RD3: variants seen among roughly 807,000 people sequenced by gnomAD.
RD3 encodes the protein RD3 regulator of GUCY2D.
RD3 carries 11 observed loss-of-function variants against 16.9 expected under a neutral mutation model. That is an observed-to-expected ratio of 0.65 (90% CI 0.41 to 1.08). RD3 has a LOEUF of 1.08. RD3 is among the 50% of genes least tolerant of loss of function. RD3 has a pLI of 0.00. For missense variants in RD3, 274 were observed against 267.4 expected, an observed-to-expected ratio of 1.02 and a Z score of -0.17; for synonymous variants, 116 against 114.8, an observed-to-expected ratio of 1.01 and a Z score of -0.07.
intron 1 of RD3, among the ~76,000 whole-genome samples, chr1:211,489,431 A>G (rs987363232): frequency 2.0e-5 from 3 of 152,054 alleles, no homozygotes; most frequent in African/African-American, 7.2e-5. Context: ...AAAATGCTTT[A>G]AAGTTGTTAT....
rs369999080 is a variant in RD3, at chr1:211,487,724, C to T, written c.-12+4044G>A. On this transcript the variant is annotated intron_variant, in intron 1 of 2. Transcript: ENST00000680073. ...CTGCTGCTGTGTCTTTCTTCACCCA[C>T]GAGCCTGGGCATCGAGGCCTTGCAC... is the stretch of plus-strand genomic sequence containing the variant. Among the ~76,000 whole-genome samples the T allele has an allele frequency of 5.3e-5, 8 of 152,212 alleles. 1 individual carries two copies. In the South Asian group the frequency reaches 6.2e-4, roughly 12 times the overall value.
At chr1:211,485,160 A>T (rs1705349186) in intron 1 of RD3, among the ~76,000 whole-genome samples, 1 of 152,126 alleles carries the variant, frequency 6.6e-6, no homozygotes, top group African/African-American at 2.4e-5. Flanking sequence ...TGGCCGCTAG[A>T]GAAGGTGCTT....
intron 2 of RD3, 131 bp downstream of exon 2, chr1:211,480,989 T>C (rs989397922): frequency 1.7e-5 from 16 of 959,792 alleles, no homozygotes; most frequent in Non-Finnish European, 2.1e-5. Context: ...TTTTCCCCTC[T>C]TGCTCCTTCT....
intron 1 of RD3, among the ~76,000 whole-genome samples, chr1:211,485,284 G>A (rs560817748): frequency 1.3e-5 from 2 of 152,274 alleles, no homozygotes; most frequent in Middle Eastern, 3.4e-3. Context: ...GTCTCAACAG[G>A]GGAGGAGGGT....
intron 1 of RD3, among the ~76,000 whole-genome samples, chr1:211,483,453 TC>T (rs1217175660): frequency 7.7e-6 from 1 of 130,384 alleles, no homozygotes; most frequent in Non-Finnish European, 1.6e-5. Flanking sequence ...AGACTCCAAC[TC>T]AAAAAAAAAA....
At chr1:211,487,019 C>T (rs540217100) in intron 1 of RD3, among the ~76,000 whole-genome samples, 1 of 152,258 alleles carries the variant, frequency 6.6e-6, no homozygotes, top group South Asian at 2.1e-4. Context: ...GCTCAGAAAC[C>T]AATATCCTAA....
intron 1 of RD3, among the ~76,000 whole-genome samples, chr1:211,489,144 A>T (rs1486457484): frequency 6.6e-6 from 1 of 152,148 alleles, no homozygotes; most frequent in African/African-American, 2.4e-5. Flanking sequence ...AAATCAAATG[A>T]GATTATGTCT....
At chr1:211,489,573 CT>C (rs11334507) in intron 1 of RD3, among the ~76,000 whole-genome samples, 15,494 of 137,624 alleles carry the variant, frequency 0.11, 1,088 homozygotes, top group African/African-American at 0.22. Context: ...TTTTTTCTTT[CT>C]TTTTTTTTTT....
In RD3 at chr1:211,479,119, T is replaced by G; in HGVS notation, c.505A>C (p.Ile169Leu). Residue 169 changes from isoleucine to leucine, a missense_variant, in exon 3 of 3, where the codon ATC becomes CTC. By Grantham distance (5) the Ile-to-Leu change is conservative (BLOSUM62 2). Coordinates refer to ENST00000680073, the MANE Select transcript of RD3 (RefSeq NM_001164688.2). The stretch of plus-strand genomic sequence containing the variant: ...GTGTCCCGCTCCACGTCCTCGGAGA[T>G]GGTCCTGATGTCGCTGGCGAAGGGC... ...ISPFASDIRTISEDVERDTPP... is the reference protein window; with the variant it reads ...ISPFASDIRTLSEDVERDTPP... The G allele has an allele frequency of 2.5e-6, 4 of 1,612,548 alleles. No homozygotes were observed. Among genetic ancestry groups the G allele is most frequent in the Non-Finnish European group, 3.4e-6 (4 of 1,179,618 alleles).
At position 211,492,025 on chromosome 1, in the gene RD3, G is replaced by T. The variant is rs1465583382; in HGVS notation, c.-269C>A. The T allele has an allele frequency of 6.6e-6, 1 of 152,286 alleles. No homozygotes were observed. The highest frequency in any genetic ancestry group is 1.5e-5 in the Non-Finnish European group (1 of 68,890). The allele number at this position is 152,286 out of a possible 1,614,324, so 9.4% of individuals were successfully genotyped here. ...GAGACAGGAGGAGAGATCCAGCCTG[G>T]ACTATTGTTTGTGGGGTGTGTAGGT... On this transcript the variant is annotated 5_prime_UTR_variant, in exon 1 of 3. Coordinates refer to ENST00000680073, the MANE Select transcript of RD3 (RefSeq NM_001164688.2).
chr1:211,483,188 A>T (rs1235826876), intron 1 of RD3, among the ~76,000 whole-genome samples: 1 of 151,908 alleles, frequency 6.6e-6, no homozygotes, highest in African/African-American at 2.4e-5. Context: ...CAGGCCAGGC[A>T]TGATGGCTCA....
In RD3 at chr1:211,477,664, A is replaced by T. The variant is rs1203938746; in HGVS notation, c.*1372T>A. On this transcript the variant is annotated 3_prime_UTR_variant, in exon 3 of 3. Coordinates refer to ENST00000680073, the MANE Select transcript of RD3 (RefSeq NM_001164688.2). Reference sequence around the variant, plus strand: ...CCAGATTCAAGTGAAAATCCAAAAAAACTTCAAAAGGGAAGTTCAAAACCA... The same window carrying T: ...CCAGATTCAAGTGAAAATCCAAAAATACTTCAAAAGGGAAGTTCAAAACCA... 6.4e-6 allele frequency: 1 copy of T among 155,342 alleles called. No individual in the cohort carries two copies. Among genetic ancestry groups the T allele is most frequent in the Non-Finnish European group, 1.4e-5 (1 of 70,300 alleles). The allele number at this position is 155,342 out of a possible 1,614,324, so 9.6% of individuals were successfully genotyped here. A position where few individuals can be genotyped will look rare whatever the true frequency, so the allele number is the denominator to read the frequency against.
chr1:211,488,549 A>C lies in RD3; in HGVS notation c.-12+3219T>G, dbSNP rs547130488. Among the ~76,000 whole-genome samples, 43 of 150,958 alleles carry C rather than the reference A, an allele frequency of 2.8e-4. 1 individual carries two copies. Among genetic ancestry groups the C allele is most frequent in the Admixed American group, 2.4e-3 (36 of 15,166 alleles). ...GACTCTGTCAAAAAAAAAAAAAAAA[A>C]CCCACCTGGAAAGAGGTCTTGAAGG... On this transcript the variant is annotated intron_variant, in intron 1 of 2. Coordinates refer to ENST00000680073, the MANE Select transcript of RD3 (RefSeq NM_001164688.2).
In RD3 at chr1:211,478,771, C is replaced by T. The variant is rs1572139880; in HGVS notation, c.*265G>A. The T allele has an allele frequency of 2.0e-6, 1 of 490,056 alleles. No individual in the cohort carries two copies. Among genetic ancestry groups the T allele is most frequent in the Non-Finnish European group, 3.6e-6 (1 of 277,220 alleles). 30.4% of individuals were successfully genotyped at this position (490,056 alleles called of 1,614,324 possible). ...TCTGTCTTCCAAAACCTTGAATCTG[C>T]CAGTTAGGGAAGGGGCTGCTCCTGC... On this transcript the variant is annotated 3_prime_UTR_variant, in exon 3 of 3. Coordinates refer to ENST00000680073, the MANE Select transcript of RD3 (RefSeq NM_001164688.2).
At chr1:211,479,518 C>G (rs1408318987) in intron 2 of RD3, among the ~76,000 whole-genome samples, 191 bp from the exon 3 acceptor site, 1 of 152,246 alleles carries the variant, frequency 6.6e-6, no homozygotes, top group African/African-American at 2.4e-5. Context: ...AATCCCAGCT[C>G]TGCCACTTCT....
intron 1 of RD3, among the ~76,000 whole-genome samples, chr1:211,487,137 C>G (rs950094766): frequency 2.0e-5 from 3 of 152,168 alleles, no homozygotes; most frequent in Admixed American, 2.0e-4. Context: ...TCCAGATCCA[C>G]CAAAGGGAAC....
rs1558179899 is a variant in RD3 at position 211,481,405 on chromosome 1, A to T, written c.11T>A (p.Ile4Asn). Residue 4 changes from isoleucine to asparagine, a missense_variant, in exon 2 of 3, where the codon ATC (isoleucine) becomes AAC (asparagine). By Grantham distance (149) the Ile-to-Asn change is moderately radical. Transcript: ENST00000680073. MSL[I>N]SWLRWNEAPS... is the part of the protein sequence containing the mutation. ...GGCCTCGTTCCACCGAAGCCATGAG[A>T]TGAGAGACATAGCCCCTGGCCCTGC... 6.2e-7 allele frequency: 1 copy of T among 1,612,688 alleles called. No homozygotes were observed. Among genetic ancestry groups the T allele is most frequent in the Non-Finnish European group, 8.5e-7 (1 of 1,180,022 alleles).
intron 1 of RD3, among the ~76,000 whole-genome samples, chr1:211,490,511 G>C (rs904300517): frequency 1.3e-5 from 2 of 152,242 alleles, no homozygotes; most frequent in South Asian, 2.1e-4. Flanking sequence ...CAGCTTCACT[G>C]CAGGGGCAGG....
At position 211,479,042 on chromosome 1, in the gene RD3, G is replaced by A. The variant is rs768451150; in HGVS notation, c.582C>T (p.Ala194=). The change falls in exon 3 of 3, where the codon GCC becomes GCT. Residue 194 remains alanine, a synonymous_variant. Transcript: ENST00000680073. ...GGCAGGGAAGCGGCCGGGGTCAGTC[G>A]GCTTTGGGCGCCCGGAATTCGGGCA... The part of the protein sequence containing the change: ...WSMPEFRAPK[A]D The A allele has an allele frequency of 3.1e-6, 5 of 1,597,326 alleles. No homozygotes were observed. In the African/African-American group the frequency reaches 4.0e-5, roughly 13 times the overall value.
Sources: allele counts gnomAD v4.1 joint callset (sites outside exome capture counted in the v4.1 genomes callset), GRCh38; gene constraint gnomAD v4.1.1; transcripts MANE v1.5; gene names NCBI Gene and HGNC (gene_info 2026-07-23, HGNC 2026-07-21).